TTLL10: variants seen among roughly 807,000 people sequenced by gnomAD.
The protein encoded by TTLL10 is inactive polyglycylase TTLL10.
Under a neutral mutation model 69.0 loss-of-function variants are expected in TTLL10, and 61 were observed. The observed-to-expected ratio is 0.88, with a 90% CI of 0.72 to 1.09. The LOEUF (loss-of-function observed/expected upper bound fraction) is 1.09. Ranked by LOEUF, TTLL10 falls within the 50% of genes least tolerant of loss-of-function variation. The probability of loss-of-function intolerance (pLI) is 0.00; values close to 1 mark genes in which losing one functional copy is unlikely to be tolerated. For synonymous variants in TTLL10, 408 were observed against 393.3 expected (o/e 1.04, Z -0.44); for missense variants, 962 against 945.9 (o/e 1.02, Z -0.22).
Position 1,180,023 on chromosome 1 carries a change from C to T in TTLL10, c.200-11C>T. The T allele has an allele frequency of 6.6e-7, 1 of 1,518,464 alleles. No homozygotes were observed. The highest frequency in any genetic ancestry group is 8.8e-7 in the Non-Finnish European group (1 of 1,135,786). 94.1% of individuals were successfully genotyped at this position (1,518,464 alleles called of 1,614,324 possible). On this transcript the variant is annotated splice_polypyrimidine_tract_variant and intron_variant, in intron 5 of 15. Coordinates refer to ENST00000379289, the MANE Select transcript of TTLL10 (RefSeq NM_001130045.2). ...CGTAGCCACCCCGGTGGGACCCCACCCCGTTCACAGGCCCGGCCCACGAGA... is the reference window on the plus strand; with the variant it reads ...CGTAGCCACCCCGGTGGGACCCCACTCCGTTCACAGGCCCGGCCCACGAGA...
At chr1:1,195,763 C>T (rs1209966077) in intron 13 of TTLL10, among the ~76,000 whole-genome samples, 1 of 152,084 alleles carries the variant, frequency 6.6e-6, no homozygotes, top group East Asian at 1.9e-4. Flanking sequence ...CCTCAGCCTC[C>T]CAAGTAGGTG....
intron 11 of TTLL10, 102 bp from the exon 12 acceptor site, chr1:1,183,818 G>C: frequency 6.9e-7 from 1 of 1,457,222 alleles, no homozygotes; most frequent in Non-Finnish European, 9.4e-7. Flanking sequence ...GGACAGAGGC[G>C]GGGCGCTGAG....
chr1:1,179,375 C>A, intron 4 of TTLL10, 42 bp downstream of exon 4: 1 of 1,519,006 alleles, frequency 6.6e-7, no homozygotes, highest in South Asian at 1.2e-5. Context: ...CTCTCCAAGG[C>A]CAAGGCCTCC....
At chr1:1,180,459 CA>C (rs1480035847) in intron 6 of TTLL10, 23 bp from the exon 7 acceptor site, 2 of 1,150,382 alleles carry the variant, frequency 1.7e-6, no homozygotes, top group Non-Finnish European at 2.5e-6. Flanking sequence ...GCCCCCAGGT[CA>C]CCCCCGCCCC....
chr1:1,185,197 C>G lies in TTLL10; in HGVS notation c.1401+88C>G. The G allele has an allele frequency of 6.4e-7, 1 of 1,554,128 alleles. No individual in the cohort carries two copies. ...GCTGGGCACCAGGCACACAGATGTC[C>G]GTGGCGTGCGTGGGCGGCTGCGCTG... On this transcript the variant is annotated intron_variant, in intron 13 of 15. Transcript: ENST00000379289. The surrounding 1 kb of genome is among the most constrained non-coding windows in gnomAD (Gnocchi z 6.1).
In TTLL10 at chr1:1,195,500, C is replaced by CTTTTTTTTTTTTTTTTTTTTTTTTTTTTT. The variant is rs1168016636; in HGVS notation, c.1402-1082_1402-1081insTTTTTTTTTTTTTTTTTTTTTTTTTTTTT. On this transcript the variant is annotated intron_variant, in intron 13 of 15. Coordinates refer to ENST00000379289, the MANE Select transcript of TTLL10 (RefSeq NM_001130045.2). ...TATTTGATAAGACATCATCGTCATA[C>CTTTTTTTTTTTTTTTTTTTTTTTTTTTTT]TTTTTTTTTTTTTTTTTTAGTTTTA... 5.0e-4 allele frequency among the ~76,000 whole-genome samples: 49 copies of CTTTTTTTTTTTTTTTTTTTTTTTTTTTTT among 98,756 alleles called. 5 individuals carry two copies. In the East Asian group the frequency reaches 5.8e-3, roughly 12 times the overall value. 64.8% of individuals were successfully genotyped at this position (98,756 alleles called of 152,430 possible).
chr1:1,176,511 C>T, intron 3 of TTLL10: 1 of 401,246 alleles, frequency 2.5e-6, no homozygotes, highest in Non-Finnish European at 5.1e-6. Flanking sequence ...TGTCTCCTCA[C>T]CTTTTCCCAC....
In TTLL10 at chr1:1,197,166, G is replaced by C; in HGVS notation, c.1592G>C (p.Gly531Ala). 1 of 1,550,554 alleles carries C rather than the reference G, an allele frequency of 6.4e-7. No individual in the cohort carries two copies. Among genetic ancestry groups the C allele is most frequent in the Non-Finnish European group, 8.7e-7 (1 of 1,146,748 alleles). ...NCEVLKEVIP[G>A]VVIETLDLVL... ...GAGGTCCTGAAGGAGGTCATCCCAG[G>C]TGTGGTCATCGAGACCCTGGGTGAG... is the stretch of plus-strand genomic sequence containing the variant. Residue 531 changes from glycine (G) to alanine (A), a missense_variant, in exon 15 of 16, where the codon GGT becomes GCT. Coordinates refer to ENST00000379289, the MANE Select transcript of TTLL10 (RefSeq NM_001130045.2).
Position 1,197,552 on chromosome 1 carries a change from T to G in TTLL10, c.1727T>G (p.Leu576Arg). The change falls in exon 16 of 16, where the codon CTG (leucine) becomes CGG (arginine). Residue 576 changes from leucine (L) to arginine (R), a missense_variant. By Grantham distance (102) the Leu-to-Arg change is moderately radical. Coordinates refer to ENST00000379289, the MANE Select transcript of TTLL10 (RefSeq NM_001130045.2). The stretch of plus-strand genomic sequence containing the variant: ...GGTGAGGCCGACCCGCGGCCGCACC[T>G]GGGGGGCTCGTGCAGCCTCCGCCGC... Reference protein sequence around the residue: ...HNGEADPRPHLGGSCSLRRWP... With the variant: ...HNGEADPRPHRGGSCSLRRWP... The G allele has an allele frequency of 6.6e-7, 1 of 1,521,770 alleles. No individual in the cohort carries two copies. The highest frequency in any genetic ancestry group is 8.8e-7 in the Non-Finnish European group (1 of 1,139,122). 94.3% of individuals were successfully genotyped at this position (1,521,770 alleles called of 1,614,324 possible).
At chr1:1,196,403 G>C in intron 13 of TTLL10, 197 bp from the exon 14 acceptor site, 1 of 588,712 alleles carries the variant, frequency 1.7e-6, no homozygotes, top group South Asian at 1.9e-5. Context: ...CACAGGACAG[G>C]AGCTGCACGA....
At chr1:1,175,811 G>C (rs1428231471) in intron 3 of TTLL10, 1 of 400,108 alleles carries the variant, frequency 2.5e-6, no homozygotes, top group Non-Finnish European at 5.0e-6. Context: ...GGTGGAGAGA[G>C]GCTGCCACCG....
At position 1,185,870 on chromosome 1, in the gene TTLL10, C is replaced by T. The variant is rs1423829727; in HGVS notation, c.1401+761C>T. ...ATAAAATTCACGATCTTAAAGTGTG[C>T]AGTTCAGTGGCTTTTAGTATTTCAA... On this transcript the variant is annotated intron_variant, in intron 13 of 15. Coordinates refer to ENST00000379289, the MANE Select transcript of TTLL10 (RefSeq NM_001130045.2). The surrounding 1 kb of genome is among the most constrained non-coding windows in gnomAD (Gnocchi z 6.1). 1.0e-6 allele frequency: 1 copy of T among 974,074 alleles called. No individual in the cohort carries two copies. The highest frequency in any genetic ancestry group is 1.2e-6 in the Non-Finnish European group (1 of 819,680). 60.3% of individuals were successfully genotyped at this position (974,074 alleles called of 1,614,324 possible).
rs1307547711 is a variant in TTLL10 at position 1,179,303 on chromosome 1, A to G, written c.88A>G (p.Ile30Val). Residue 30 changes from isoleucine (I) to valine (V), a missense_variant, in exon 4 of 16, where the codon ATC becomes GTC. Ile to Val is a conservative substitution (Grantham distance 29). Transcript: ENST00000379289. ...AGFKRGKRPR[I>V]QQRPRARVSG... ...CTTCAAGAGGGGCAAGAGGCCAAGG[A>G]TCCAGCAGAGGCCTCGGGCTCGAGT... 4 of 1,551,208 alleles carry G rather than the reference A, an allele frequency of 2.6e-6. No individual in the cohort carries two copies. The highest frequency in any genetic ancestry group is 1.2e-5 in the South Asian group (1 of 84,054).
At chr1:1,174,365 G>A (rs1482443132) in intron 2 of TTLL10, 44 bp downstream of exon 2, 1 of 152,678 alleles carries the variant, frequency 6.5e-6, no homozygotes, top group African/African-American at 2.4e-5. Context: ...CTTGGATTCT[G>A]GGGGGAGAAC....
Position 1,197,628 on chromosome 1 carries a change from G to C in TTLL10, c.1803G>C (p.Pro601=). The C allele has an allele frequency of 1.3e-6, 2 of 1,514,032 alleles. No individual in the cohort carries two copies. Among genetic ancestry groups the C allele is most frequent in the Non-Finnish European group, 1.8e-6 (2 of 1,137,362 alleles). The allele number at this position is 1,514,032 out of a possible 1,614,324, so 93.8% of individuals were successfully genotyped here. Residue 601 remains proline, a synonymous_variant, in exon 16 of 16, where the codon CCG becomes CCC. Coordinates refer to ENST00000379289, the MANE Select transcript of TTLL10 (RefSeq NM_001130045.2). ...CCAAGTCCTCCGGGCCACCCATGCC[G>C]CATGCCCCAGACCAGCCGGGCGCCC... ...RQAKSSGPPM[P]HAPDQPGARR...
At position 1,182,444 on chromosome 1, in the gene TTLL10, A is replaced by T; in HGVS notation, c.914A>T (p.Asp305Val). 6.2e-7 allele frequency: 1 copy of T among 1,613,800 alleles called. No individual in the cohort carries two copies. Residue 305 changes from aspartate to valine, a missense_variant and splice_region_variant, in exon 10 of 16, where the codon GAT becomes GTT. Transcript: ENST00000379289. ...HEREAFFTLF[D>V]ETQIWICKPT... The stretch of plus-strand genomic sequence containing the variant: ...AGAGAGGCCTTTTTCACCTTGTTTG[A>T]TGGTGAGACGCTGCTGGCCGGACAC...
In TTLL10 at chr1:1,175,898, C is replaced by T. The variant is rs112984364; in HGVS notation, c.-28+1409C>T. On this transcript the variant is annotated intron_variant, in intron 3 of 15. Transcript: ENST00000379289. ...AGGTGGAGAGAGGCTGCCGCTGTGCCGGTGGAGAGGCTGCTGCTCCCAGCC... is the reference window on the plus strand; with the variant it reads ...AGGTGGAGAGAGGCTGCCGCTGTGCTGGTGGAGAGGCTGCTGCTCCCAGCC... The T allele has an allele frequency of 2.6e-4, 95 of 371,642 alleles. 1 individual carries two copies. Among genetic ancestry groups the T allele is most frequent in the Non-Finnish European group, 3.9e-4 (75 of 193,904 alleles). 23.0% of individuals were successfully genotyped at this position (371,642 alleles called of 1,614,324 possible).
chr1:1,178,137 C>G (rs1417446548), intron 3 of TTLL10, among the ~76,000 whole-genome samples: 1 of 152,140 alleles, frequency 6.6e-6, no homozygotes, highest in Non-Finnish European at 1.5e-5. Flanking sequence ...AGATTGGTGC[C>G]GAGCTCTGTG....
Position 1,183,912 on chromosome 1 carries a change from G to A in TTLL10, c.1089-8G>A. ...CTCAGCCCAGCAGCCCCGACATGGT[G>A]CCCCCAGGTACATCCAGAACCCGCT... is the stretch of plus-strand genomic sequence containing the variant. On this transcript the variant is annotated splice_region_variant and splice_polypyrimidine_tract_variant and intron_variant, in intron 11 of 15. Transcript: ENST00000379289. 1.2e-6 allele frequency: 2 copies of A among 1,614,064 alleles called. No individual in the cohort carries two copies. Among genetic ancestry groups the A allele is most frequent in the South Asian group, 1.1e-5 (1 of 91,090 alleles).
Sources: gnomAD v4.1 joint callset for allele counts (sites outside exome capture counted in the v4.1 genomes callset) on GRCh38, gnomAD v4.1.1 for gene constraint, Gnocchi (gnomAD v3.1) non-coding constraint, MANE v1.5 for transcripts, NCBI Gene and HGNC (gene_info 2026-07-23, HGNC 2026-07-21) for gene names.